The following RPF2 variants were observed in gnomAD, a reference collection of about 807,000 sequenced individuals.
RPF2 encodes brix domain containing 1.
Under a neutral mutation model 38.9 loss-of-function variants are expected in RPF2, and 21 were observed. The ratio of observed to expected loss-of-function variants is 0.54; its 90% confidence interval spans 0.38 to 0.78. The LOEUF (loss-of-function observed/expected upper bound fraction) is 0.78. Among genes scored for constraint, RPF2 ranks in the 30% least tolerant of loss-of-function variants. RPF2 has a pLI of 0.00. For missense variants in RPF2, 314 were observed against 358.1 expected (o/e 0.88, Z 0.99); for synonymous variants, 121 against 126.2 (o/e 0.96, Z 0.28).
chr6:110,996,010 G>T (rs1771704981), intron 4 of RPF2, among the ~76,000 whole-genome samples: 1 of 151,804 alleles, frequency 6.6e-6, no homozygotes, highest in Non-Finnish European at 1.5e-5. Context: ...TAGAGACAGG[G>T]TTTCACTATG....
chr6:111,018,199 C>CGGGGAGGGGGAG (rs200309635), intron 8 of RPF2, among the ~76,000 whole-genome samples: 2 of 41,118 alleles, frequency 4.9e-5, no homozygotes, highest in African/African-American at 1.3e-4. Flanking sequence ...AGGGGGAGAC[C>CGGGGAGGGGGAG]GGGGAGGGGG....
At chr6:111,023,921 G>A (rs955627846) in intron 8 of RPF2, among the ~76,000 whole-genome samples, 1 of 151,982 alleles carries the variant, frequency 6.6e-6, no homozygotes, top group Non-Finnish European at 1.5e-5. Flanking sequence ...CTGGGAGGTG[G>A]AGCTTACAGT....
intron 7 of RPF2, among the ~76,000 whole-genome samples, chr6:111,008,573 A>G (rs539372726): frequency 5.9e-5 from 9 of 152,210 alleles, no homozygotes; most frequent in African/African-American, 1.9e-4. Context: ...TGTCATTCCT[A>G]GCATCATTTA....
Position 110,982,103 on chromosome 6 carries a change from AG to A in RPF2, c.-3del. 6.2e-7 allele frequency: 1 copy of A among 1,614,222 alleles called. No individual in the cohort carries two copies. Among genetic ancestry groups the A allele is most frequent in the Non-Finnish European group, 8.5e-7 (1 of 1,180,024 alleles). On this transcript the variant is annotated 5_prime_UTR_variant, in exon 1 of 10. Coordinates refer to ENST00000441448, the MANE Select transcript of RPF2 (RefSeq NM_032194.3). ...CTGGTTAAGAGTTGCAGGTAGCGGT[AG>A]CGATGGACACTCTGGATCGAGTAGT...
At chr6:110,983,945 C>T (rs1289865812) in intron 1 of RPF2, among the ~76,000 whole-genome samples, 1 of 151,970 alleles carries the variant, frequency 6.6e-6, no homozygotes, top group African/African-American at 2.4e-5. Flanking sequence ...AGGAGAATGG[C>T]GTGAACCTGG....
Position 111,025,576 on chromosome 6 carries a change from A to C in RPF2, c.915A>C (p.Lys305Asn). ...AGAAAAAGTCAAAAAGAATTAAAAA[A>C]AATTGATGGAACTTAGCCAGCCACT... is the stretch of plus-strand genomic sequence containing the variant. ...DHEKKSKRIK[K>N]N Residue 305 changes from lysine (K) to asparagine (N), a missense_variant, in exon 10 of 10, where the codon AAA (lysine) becomes AAC (asparagine). By Grantham distance (94) the Lys-to-Asn change is moderately conservative. Transcript: ENST00000441448. 1 of 1,604,698 alleles carries C rather than the reference A, an allele frequency of 6.2e-7. No individual in the cohort carries two copies. Among genetic ancestry groups the C allele is most frequent in the African/African-American group, 1.3e-5 (1 of 74,226 alleles).
intron 1 of RPF2, among the ~76,000 whole-genome samples, chr6:110,982,816 T>G (rs1392510311): frequency 6.6e-6 from 1 of 152,254 alleles, no homozygotes; most frequent in Admixed American, 6.5e-5. Flanking sequence ...TCAGAGATTT[T>G]GCACACCTGC....
chr6:111,004,334 C>T (rs1280077433), intron 6 of RPF2, among the ~76,000 whole-genome samples: 2 of 151,292 alleles, frequency 1.3e-5, no homozygotes, highest in Admixed American at 6.6e-5. Context: ...AGGCACACAC[C>T]ACCATATGCA....
intron 4 of RPF2, among the ~76,000 whole-genome samples, chr6:110,993,033 G>T (rs1771646454): frequency 6.6e-6 from 1 of 152,150 alleles, no homozygotes; most frequent in East Asian, 1.9e-4. Flanking sequence ...AATGATCTCT[G>T]CTCACTGCAG....
chr6:111,003,763 C>T (rs563362797), intron 6 of RPF2, among the ~76,000 whole-genome samples: 1 of 152,224 alleles, frequency 6.6e-6, no homozygotes, highest in South Asian at 2.1e-4. Context: ...GTTTAAGTTG[C>T]TGTAAGCTAT....
intron 7 of RPF2, among the ~76,000 whole-genome samples, chr6:111,008,910 T>G (rs1205142338): frequency 7.4e-6 from 1 of 136,044 alleles, no homozygotes; most frequent in East Asian, 3.0e-4. Context: ...TTTTTTTTTT[T>G]TTTTTTAAAG....
At position 110,993,937 on chromosome 6, in the gene RPF2, C is replaced by T. The variant is rs532352972; in HGVS notation, c.234+2151C>T. ...AATATACTGCTTGCAGATCAAATCC[C>T]TCTTTGTGTGAGGCTCATGAGCTAA... is the stretch of plus-strand genomic sequence containing the variant. On this transcript the variant is annotated intron_variant, in intron 4 of 9. Coordinates refer to ENST00000441448, the MANE Select transcript of RPF2 (RefSeq NM_032194.3). Among the ~76,000 whole-genome samples the T allele has an allele frequency of 1.2e-4, 18 of 152,256 alleles. No homozygotes were observed. The South Asian group carries it at 2.7e-3, about 23-fold the overall frequency.
chr6:110,986,422 G>A (rs567618164), intron 2 of RPF2, among the ~76,000 whole-genome samples: 3 of 152,308 alleles, frequency 2.0e-5, no homozygotes, highest in Admixed American at 1.3e-4. Flanking sequence ...GAAGAGTTGG[G>A]AACTAGTGAA....
At chr6:110,984,855 A>C (rs534753027) in intron 1 of RPF2, 151 bp from the exon 2 acceptor site, 18 of 925,286 alleles carry the variant, frequency 1.9e-5, no homozygotes, top group Middle Eastern at 3.6e-4. Context: ...CAAACAAAAA[A>C]AAACAAACAA....
intron 8 of RPF2, 110 bp from the exon 9 acceptor site, chr6:111,024,073 A>G: frequency 1.1e-6 from 1 of 938,040 alleles, no homozygotes; most frequent in Non-Finnish European, 1.6e-6. Context: ...AGTCTTTCTA[A>G]ACATTTTATA....
chr6:111,016,691 T>C (rs971458327), intron 8 of RPF2, among the ~76,000 whole-genome samples: 7 of 149,286 alleles, frequency 4.7e-5, no homozygotes, highest in South Asian at 2.2e-4. Context: ...TTCTTTCTTT[T>C]TTTTTTTTTT....
chr6:111,010,083 A>G (rs1038604534), intron 7 of RPF2, among the ~76,000 whole-genome samples: 4 of 151,770 alleles, frequency 2.6e-5, no homozygotes, highest in Non-Finnish European at 2.9e-5. Flanking sequence ...TACTAATTTA[A>G]AGGGTCTTGG....
intron 4 of RPF2, among the ~76,000 whole-genome samples, chr6:110,996,800 TC>T (rs1419777224): frequency 6.6e-6 from 1 of 152,134 alleles, no homozygotes; most frequent in African/African-American, 2.4e-5. Flanking sequence ...GTTTTTTGTT[TC>T]GTTTTGTTTT....
At chr6:110,986,253 G>C (rs1188447158) in intron 2 of RPF2, among the ~76,000 whole-genome samples, 2 of 152,176 alleles carry the variant, frequency 1.3e-5, no homozygotes, top group African/African-American at 4.8e-5. Flanking sequence ...AAGATATTAA[G>C]CAAGAGATAC....
Sources: gnomAD v4.1 joint callset for allele counts (sites outside exome capture counted in the v4.1 genomes callset) on GRCh38, gnomAD v4.1.1 for gene constraint, MANE v1.5 for transcripts, NCBI Gene and HGNC (gene_info 2026-07-23, HGNC 2026-07-21) for gene names.